SNTG1: variants seen among roughly 807,000 people sequenced by gnomAD.
SNTG1 encodes syntrophin gamma 1.
A neutral mutation model predicts 74.7 loss-of-function variants in SNTG1; 39 were observed. The observed-to-expected ratio is 0.52, with a 90% CI of 0.40 to 0.68. The LOEUF (loss-of-function observed/expected upper bound fraction) is 0.68, where lower values mean the gene tolerates loss of function less well. Ranked by LOEUF, SNTG1 falls within the 30% of genes least tolerant of loss-of-function variation. SNTG1 has a pLI of 0.00. For missense variants in SNTG1, 685 were observed against 609.5 expected (o/e 1.12, Z -1.30); for synonymous variants, 254 against 217.1 (o/e 1.17, Z -1.49).
intron 1 of SNTG1, among the ~76,000 whole-genome samples, chr8:50,040,356 A>T (rs182977914): frequency 1.6e-3 from 241 of 152,296 alleles, no homozygotes; most frequent in Non-Finnish European, 7.9e-4. Context: ...TTTTGTTATA[A>T]AACTTATAGC....
chr8:50,277,578 A>G (rs757712244), intron 2 of SNTG1, among the ~76,000 whole-genome samples: 2 of 152,186 alleles, frequency 1.3e-5, no homozygotes, highest in African/African-American at 4.8e-5. Context: ...TGGAATCCAA[A>G]GCAACATTAA....
At chr8:50,374,401 A>T (rs2092333597) in intron 2 of SNTG1, among the ~76,000 whole-genome samples, 1 of 152,204 alleles carries the variant, frequency 6.6e-6, no homozygotes, top group East Asian at 1.9e-4. Context: ...AGTCAATATC[A>T]TTCCTGTTAC....
intron 9 of SNTG1, among the ~76,000 whole-genome samples, chr8:50,519,203 C>A (rs957150731): frequency 6.6e-6 from 1 of 152,098 alleles, no homozygotes; most frequent in African/African-American, 2.4e-5. Context: ...ATGACAAAAA[C>A]CACATAATTA....
chr8:50,467,485 C>T (rs2093617990), intron 8 of SNTG1, among the ~76,000 whole-genome samples: 1 of 151,628 alleles, frequency 6.6e-6, no homozygotes, highest in African/African-American at 2.4e-5. Context: ...TAAGTATGAT[C>T]CCTCTTTCAT....
chr8:50,270,757 C>T (rs1264095275), intron 2 of SNTG1, among the ~76,000 whole-genome samples: 1 of 152,080 alleles, frequency 6.6e-6, no homozygotes, highest in Non-Finnish European at 1.5e-5. Context: ...AATCAAAAGG[C>T]TTAGCACATA....
At chr8:50,277,264 CAAAAAAAAAA>C (rs11361478) in intron 2 of SNTG1, among the ~76,000 whole-genome samples, 1 of 95,164 alleles carries the variant, frequency 1.1e-5, no homozygotes, top group Non-Finnish European at 2.0e-5. Flanking sequence ...AAGACCCTGC[CAAAAAAAAAA>C]AAAAAAAAAA....
At chr8:50,484,102 C>CTCTTTCTCTCTT in intron 8 of SNTG1, among the ~76,000 whole-genome samples, 1 of 110,848 alleles carries the variant, frequency 9.0e-6, no homozygotes, top group Non-Finnish European at 1.8e-5. Context: ...CTTTCTTTCT[C>CTCTTTCTCTCTT]TCTTTCTTTC....
chr8:50,678,638 C>T (rs2095318843), intron 15 of SNTG1, among the ~76,000 whole-genome samples: 1 of 72,620 alleles, frequency 1.4e-5, no homozygotes, highest in Non-Finnish European at 2.3e-5. Flanking sequence ...AAATTTTGTC[C>T]ATACATGATT....
At chr8:50,732,209 G>T (rs7834256) in intron 17 of SNTG1, among the ~76,000 whole-genome samples, 1 of 151,604 alleles carries the variant, frequency 6.6e-6, no homozygotes, top group African/African-American at 2.4e-5. Context: ...GTTTAATAGT[G>T]TAATTACTAT....
chr8:50,568,893 T>G (rs1040310057), intron 12 of SNTG1: 3 of 152,186 alleles, frequency 2.0e-5, no homozygotes, highest in African/African-American at 7.2e-5. Context: ...GTATTGGCTT[T>G]TATCTTATGG....
chr8:50,282,352 T>C (rs1447716552), intron 2 of SNTG1, among the ~76,000 whole-genome samples: 1 of 149,262 alleles, frequency 6.7e-6, no homozygotes, highest in Non-Finnish European at 1.5e-5. Flanking sequence ...CCTCTCACGT[T>C]TATTCTCCAA....
chr8:49,952,016 G>C (rs1268894973), intron 1 of SNTG1, among the ~76,000 whole-genome samples: 1 of 151,536 alleles, frequency 6.6e-6, no homozygotes, highest in Non-Finnish European at 1.5e-5. Flanking sequence ...TATGAGCATA[G>C]TTGGAACTGG....
At chr8:49,912,304 T>C (rs1805646524) in intron 1 of SNTG1, 73 bp downstream of exon 1, 1 of 152,226 alleles carries the variant, frequency 6.6e-6, no homozygotes, top group South Asian at 2.1e-4. Context: ...AGAAAGATCA[T>C]AAGCAGTGTA....
intron 8 of SNTG1, among the ~76,000 whole-genome samples, chr8:50,495,050 A>C (rs1274870264): frequency 6.6e-6 from 1 of 152,244 alleles, no homozygotes; most frequent in East Asian, 1.9e-4. Flanking sequence ...GCATAATTAT[A>C]CATTATTTTA....
chr8:50,217,840 C>A (rs2084868486), intron 2 of SNTG1, among the ~76,000 whole-genome samples: 1 of 151,990 alleles, frequency 6.6e-6, no homozygotes, highest in South Asian at 2.1e-4. Flanking sequence ...TGAGCAAAAG[C>A]AGAGTCTGTG....
At chr8:50,061,916 T>A (rs565832556) in intron 1 of SNTG1, among the ~76,000 whole-genome samples, 2 of 152,336 alleles carry the variant, frequency 1.3e-5, no homozygotes, top group South Asian at 2.1e-4. Flanking sequence ...TCTATTTTTT[T>A]AAAATATGTA....
At chr8:50,200,567 G>T (rs1012800513) in intron 2 of SNTG1, among the ~76,000 whole-genome samples, 1 of 150,912 alleles carries the variant, frequency 6.6e-6, no homozygotes, top group Admixed American at 6.6e-5. Context: ...TTCCATCCAG[G>T]CGCTTACTGA....
At chr8:50,638,014 C>T (rs560985766) in intron 13 of SNTG1, among the ~76,000 whole-genome samples, 28 of 152,188 alleles carry the variant, frequency 1.8e-4, no homozygotes, top group African/African-American at 6.7e-4. Context: ...GAATTACCCC[C>T]AAAGATGTAT....
At chr8:50,715,193 G>C (rs7846000) in intron 17 of SNTG1, among the ~76,000 whole-genome samples, 143,036 of 152,212 alleles carry the variant, frequency 0.94, 67,252 homozygotes, top group East Asian at 1. Flanking sequence ...TCACAGGGCT[G>C]CACGGGATGT....
Sources: gnomAD v4.1 joint callset for allele counts (sites outside exome capture counted in the v4.1 genomes callset) on GRCh38, gnomAD v4.1.1 for gene constraint, MANE v1.5 for transcripts, NCBI Gene and HGNC (gene_info 2026-07-23, HGNC 2026-07-21) for gene names.